The following ATF7IP2 variants were observed in gnomAD, a reference collection of about 807,000 sequenced individuals.
ATF7IP2 encodes the protein activating transcription factor 7 interacting protein 2, also known as activating transcription factor 7-interacting protein 2.
ATF7IP2 carries 42 observed loss-of-function variants against 64.2 expected under a neutral mutation model. The ratio of observed to expected loss-of-function variants is 0.65; its 90% confidence interval spans 0.51 to 0.85. The LOEUF is 0.85. ATF7IP2 is among the 40% of genes least tolerant of loss of function. ATF7IP2 has a pLI of 0.00. For missense variants in ATF7IP2, 933 were observed against 784.2 expected, an observed-to-expected ratio of 1.19 and a Z score of -2.27; for synonymous variants, 308 against 272.8, an observed-to-expected ratio of 1.13 and a Z score of -1.27.
Position 10,482,342 on chromosome 16 carries a change from C to A in ATF7IP2, c.*93C>A. 1 of 957,802 alleles carries A rather than the reference C, an allele frequency of 1.0e-6. No individual in the cohort carries two copies. Among genetic ancestry groups the A allele is most frequent in the Non-Finnish European group, 1.5e-6 (1 of 647,480 alleles). The allele number at this position is 957,802 out of a possible 1,614,324, so 59.3% of individuals were successfully genotyped here. ...TATTTGCCATTGTAAAAGGCCAGCT[C>A]AGATTGTGAGCCCTTTCTATTGGGA... On this transcript the variant is annotated 3_prime_UTR_variant, in exon 14 of 14. Coordinates refer to ENST00000562102, the MANE Select transcript of ATF7IP2 (RefSeq NM_001393719.1).
intron 9 of ATF7IP2, among the ~76,000 whole-genome samples, chr16:10,458,839 A>T (rs2049270472): frequency 6.6e-6 from 1 of 152,230 alleles, no homozygotes; most frequent in Non-Finnish European, 1.5e-5. Context: ...ACCAAGTTTA[A>T]TAGTCTACAA....
Position 10,453,645 on chromosome 16 carries a change from T to C in ATF7IP2, c.1195-3727T>C, listed in dbSNP as rs149451944. Among the ~76,000 whole-genome samples, 288 of 152,308 alleles carry C rather than the reference T, an allele frequency of 1.9e-3. 2 individuals carry two copies. Among genetic ancestry groups the C allele is most frequent in the African/African-American group, 6.7e-3 (278 of 41,564 alleles). ...TTTATTTATTTTTTTGAGATGGAGTTTCAGTCTTGTTGCCCAGGCTGGAGT... is the reference window on the plus strand; with the variant it reads ...TTTATTTATTTTTTTGAGATGGAGTCTCAGTCTTGTTGCCCAGGCTGGAGT... On this transcript the variant is annotated intron_variant, in intron 8 of 13. Transcript: ENST00000562102.
At chr16:10,444,445 T>A (rs1306966099) in intron 8 of ATF7IP2, among the ~76,000 whole-genome samples, 1 of 152,104 alleles carries the variant, frequency 6.6e-6, no homozygotes, top group Non-Finnish European at 1.5e-5. Context: ...GGACGTAATC[T>A]CCAGATTGAT....
At chr16:10,413,436 C>T (rs972802356) in intron 1 of ATF7IP2, among the ~76,000 whole-genome samples, 8 of 152,172 alleles carry the variant, frequency 5.3e-5, no homozygotes, top group Non-Finnish European at 8.8e-5. Context: ...ACATCCCCAG[C>T]CATGTGGAAC....
intron 1 of ATF7IP2, among the ~76,000 whole-genome samples, chr16:10,396,667 T>A (rs1245170306): frequency 6.6e-6 from 1 of 151,864 alleles, no homozygotes; most frequent in African/African-American, 2.4e-5. Flanking sequence ...TGTTTGTTTG[T>A]TTTAATTGAG....
intron 9 of ATF7IP2, among the ~76,000 whole-genome samples, chr16:10,458,639 A>G (rs1330089152): frequency 2.0e-5 from 3 of 152,242 alleles, no homozygotes; most frequent in African/African-American, 4.8e-5. Context: ...TAAGCAAGAA[A>G]TAACACCAGC....
intron 9 of ATF7IP2, among the ~76,000 whole-genome samples, chr16:10,471,364 C>G (rs998544278): frequency 6.6e-6 from 1 of 152,076 alleles, no homozygotes; most frequent in Non-Finnish European, 1.5e-5. Context: ...CCTGTCTCTA[C>G]TAAAAATAGA....
intron 9 of ATF7IP2, among the ~76,000 whole-genome samples, chr16:10,470,296 T>G (rs1337477186): frequency 6.6e-6 from 1 of 152,086 alleles, no homozygotes; most frequent in Non-Finnish European, 1.5e-5. Flanking sequence ...TACAATGACT[T>G]CAGAGAACAT....
chr16:10,429,446 G>A (rs907003785), intron 4 of ATF7IP2, among the ~76,000 whole-genome samples: 13 of 152,212 alleles, frequency 8.5e-5, no homozygotes. Context: ...TGCCTCCTGA[G>A]TTCAAGTGAT....
rs1251532197 is a variant in ATF7IP2 at position 10,481,962 on chromosome 16, A to C, written c.1762A>C (p.Arg588=). 1 of 1,614,184 alleles carries C rather than the reference A, an allele frequency of 6.2e-7. No individual in the cohort carries two copies. The highest frequency in any genetic ancestry group is 1.6e-4 in the Middle Eastern group (1 of 6,062). ...TGAGCTCAAAGTGAAACGGGTTTTC[A>C]GACCCAATGGCATTGCCCTGACTTG... ...KPELKVKRVF[R]PNGIALTWNI... is the part of the protein sequence containing the mutation. The change falls in exon 14 of 14, where the codon AGA becomes CGA. Residue 588 remains arginine, a synonymous_variant. Coordinates refer to ENST00000562102, the MANE Select transcript of ATF7IP2 (RefSeq NM_001393719.1).
intron 2 of ATF7IP2, among the ~76,000 whole-genome samples, chr16:10,419,368 G>T (rs991270828): frequency 6.6e-6 from 1 of 152,080 alleles, no homozygotes; most frequent in Non-Finnish European, 1.5e-5. Flanking sequence ...CTGTAGGACC[G>T]AGCATCCAAG....
intron 12 of ATF7IP2, among the ~76,000 whole-genome samples, chr16:10,476,018 G>T (rs1006598598): frequency 3.9e-5 from 6 of 152,292 alleles, no homozygotes; most frequent in African/African-American, 1.4e-4. Context: ...AGGGCCAGTT[G>T]ACTTACTGCC....
intron 10 of ATF7IP2, among the ~76,000 whole-genome samples, chr16:10,473,118 C>A (rs951908934): frequency 6.6e-5 from 10 of 152,170 alleles, no homozygotes; most frequent in Non-Finnish European, 1.5e-4. Flanking sequence ...AGGCTTCCTA[C>A]TGGTTCCAGG....
intron 3 of ATF7IP2, among the ~76,000 whole-genome samples, chr16:10,422,636 A>G (rs2141845944): frequency 6.6e-6 from 1 of 152,360 alleles, no homozygotes; most frequent in Admixed American, 6.5e-5. Flanking sequence ...AGTGCTGTAG[A>G]GAAATGAATG....
rs368751131 is a variant in ATF7IP2, at chr16:10,440,400, G to C, written c.1132G>C (p.Val378Leu). 6.4e-7 allele frequency: 1 copy of C among 1,566,768 alleles called. No individual in the cohort carries two copies. Among genetic ancestry groups the C allele is most frequent in the South Asian group, 1.2e-5 (1 of 83,028 alleles). ...AAAACTTCAAAGACGTATTAAAACA[G>C]TATTATTATTTCAAAGGAATTGTTT... ...IAKLQRRIKT[V>L]LLFQRNCLKP... The change falls in exon 8 of 14, where the codon GTA becomes CTA. Residue 378 changes from valine to leucine, a missense_variant. Coordinates refer to ENST00000562102, the MANE Select transcript of ATF7IP2 (RefSeq NM_001393719.1).
At chr16:10,445,889 G>A (rs771678998) in intron 8 of ATF7IP2, 8 of 152,178 alleles carry the variant, frequency 5.3e-5, no homozygotes, top group South Asian at 2.1e-4. Flanking sequence ...TTGTTCAATC[G>A]AAATTTTTCC....
chr16:10,403,500 C>T (rs922303572), intron 1 of ATF7IP2, among the ~76,000 whole-genome samples: 2 of 152,076 alleles, frequency 1.3e-5, no homozygotes, highest in African/African-American at 2.4e-5. Flanking sequence ...TAGCAAGAAG[C>T]AGATGTGTCT....
chr16:10,438,311 G>A (rs918350636), intron 7 of ATF7IP2, 76 bp downstream of exon 7: 21 of 1,431,886 alleles, frequency 1.5e-5, no homozygotes, highest in East Asian at 2.6e-5. Context: ...GCTGCAGTAC[G>A]GTGGCTCACT....
chr16:10,413,433 C>T lies in ATF7IP2; in HGVS notation c.-241-1141C>T, dbSNP rs1435575839. On this transcript the variant is annotated intron_variant, in intron 1 of 13. Transcript: ENST00000562102. Reference sequence around the variant, plus strand: ...TCCCGCCATGGTTCTGAGACATCCCCAGCCATGTGGAACTGTAAGTCCAAT... The same window carrying T: ...TCCCGCCATGGTTCTGAGACATCCCTAGCCATGTGGAACTGTAAGTCCAAT... 3.3e-5 allele frequency among the ~76,000 whole-genome samples: 5 copies of T among 152,330 alleles called. No homozygotes were observed. In the East Asian group the frequency reaches 9.6e-4, roughly 29 times the overall value.
Sources: allele counts gnomAD v4.1 joint callset (sites outside exome capture counted in the v4.1 genomes callset), GRCh38; gene constraint gnomAD v4.1.1; transcripts MANE v1.5; gene names NCBI Gene and HGNC (gene_info 2026-07-23, HGNC 2026-07-21).